Variants in PTGFRN observed in about 807,000 individuals in gnomAD.
PTGFRN encodes prostaglandin F2 receptor negative regulator.
PTGFRN carries 35 observed loss-of-function variants against 83.2 expected under a neutral mutation model. The observed-to-expected ratio is 0.42, with a 90% confidence interval of 0.32 to 0.56. The LOEUF (loss-of-function observed/expected upper bound fraction) is 0.56. Among genes scored for constraint, PTGFRN ranks in the 20% least tolerant of loss-of-function variants. The pLI, the probability that PTGFRN is intolerant of heterozygous loss-of-function variation, is 0.11. For missense variants in PTGFRN, 1,051 were observed against 1,179.5 expected (o/e 0.89, Z 1.60); for synonymous variants, 519 against 498.6 (o/e 1.04, Z -0.55).
At chr1:116,951,255 C>T (rs901775329) in intron 4 of PTGFRN, among the ~76,000 whole-genome samples, 7 of 152,180 alleles carry the variant, frequency 4.6e-5, no homozygotes, top group African/African-American at 7.2e-5. Context: ...GGAATGGGCT[C>T]CTTTAACTGG....
chr1:116,918,633 G>A lies in PTGFRN; in HGVS notation c.49+8381G>A, dbSNP rs982374994. On this transcript the variant is annotated intron_variant, in intron 1 of 8. Coordinates refer to ENST00000393203, the MANE Select transcript of PTGFRN (RefSeq NM_020440.4). This position sits in a 1 kb window ranked among gnomAD's most constrained non-coding sequence, Gnocchi z 4.1. ...CTCAGTGGGACTGAGGCAAAGCCAT[G>A]GTCAGAGTCTGAGCTGGAGGAGAGT... 1.3e-5 allele frequency among the ~76,000 whole-genome samples: 2 copies of A among 152,220 alleles called. No homozygotes were observed. Among genetic ancestry groups the A allele is most frequent in the African/African-American group, 4.8e-5 (2 of 41,448 alleles).
chr1:116,910,850 A>T (rs1649253348), intron 1 of PTGFRN, among the ~76,000 whole-genome samples: 1 of 152,158 alleles, frequency 6.6e-6, no homozygotes, highest in Admixed American at 6.5e-5. Context: ...CTTCTGCCTC[A>T]GTCTTTTCTT....
chr1:116,945,357 C>G (rs1218259722), intron 3 of PTGFRN, among the ~76,000 whole-genome samples: 9 of 152,202 alleles, frequency 5.9e-5, no homozygotes, highest in Admixed American at 5.9e-4. Context: ...CCACAGCCTG[C>G]ACATAACACG....
intron 8 of PTGFRN, 99 bp from the exon 9 acceptor site, chr1:116,986,702 C>G (rs754966636): frequency 1.7e-6 from 2 of 1,209,798 alleles, no homozygotes; most frequent in Non-Finnish European, 2.4e-6. Context: ...CCTTATCTCT[C>G]GGGAGATCCT....
chr1:116,975,538 C>T (rs922973817), intron 7 of PTGFRN, among the ~76,000 whole-genome samples: 2 of 152,178 alleles, frequency 1.3e-5, no homozygotes, highest in African/African-American at 2.4e-5. Context: ...TCCAGAGGAA[C>T]GATCAGCAGA....
At chr1:116,979,163 G>A (rs956213322) in intron 7 of PTGFRN, among the ~76,000 whole-genome samples, 9 of 152,062 alleles carry the variant, frequency 5.9e-5, no homozygotes, top group African/African-American at 2.2e-4. Flanking sequence ...CAACTTACAA[G>A]GGATGTGAAG....
chr1:116,966,261 G>C (rs1013183553), intron 5 of PTGFRN, among the ~76,000 whole-genome samples: 2 of 152,234 alleles, frequency 1.3e-5, no homozygotes, highest in African/African-American at 4.8e-5. Context: ...CGTAGCCATA[G>C]ACACCTCTCA....
intron 4 of PTGFRN, among the ~76,000 whole-genome samples, chr1:116,955,320 C>T (rs1194629607): frequency 6.6e-6 from 1 of 152,194 alleles, no homozygotes; most frequent in Non-Finnish European, 1.5e-5. Flanking sequence ...AGAGGGCTTA[C>T]AGTGTGTGTT....
intron 1 of PTGFRN, among the ~76,000 whole-genome samples, chr1:116,913,543 T>G (rs1334388750): frequency 6.6e-6 from 1 of 152,110 alleles, no homozygotes; most frequent in Non-Finnish European, 1.5e-5. Flanking sequence ...GATTTGTTGG[T>G]GCTCTGGGTG....
chr1:116,934,782 A>G (rs940596379), intron 1 of PTGFRN, among the ~76,000 whole-genome samples: 1 of 152,210 alleles, frequency 6.6e-6, no homozygotes, highest in Non-Finnish European at 1.5e-5. Flanking sequence ...GTATGATGTC[A>G]TCTTCTATCT....
At chr1:116,924,861 G>A (rs1343046892) in intron 1 of PTGFRN, among the ~76,000 whole-genome samples, 1 of 152,172 alleles carries the variant, frequency 6.6e-6, no homozygotes, top group Non-Finnish European at 1.5e-5. Flanking sequence ...CAGCAGGCAT[G>A]CTGCTGGGCT....
At chr1:116,945,708 T>C (rs1017973655) in intron 3 of PTGFRN, among the ~76,000 whole-genome samples, 1 of 151,058 alleles carries the variant, frequency 6.6e-6, no homozygotes, top group Admixed American at 6.6e-5. Context: ...CTGGGGTCTG[T>C]ACAAGAAGCC....
rs1651641023 is a variant in PTGFRN at position 116,989,480 on chromosome 1, T to C, written c.*2513T>C. On this transcript the variant is annotated 3_prime_UTR_variant, in exon 9 of 9. Coordinates refer to ENST00000393203, the MANE Select transcript of PTGFRN (RefSeq NM_020440.4). ...ACCCCACCCCTGCGACAAGTGCTCT[T>C]CTAGAACAGGTTCCTACCAGCAGCA... The C allele has an allele frequency of 1.3e-5, 2 of 152,590 alleles. No individual in the cohort carries two copies. Among genetic ancestry groups the C allele is most frequent in the African/African-American group, 4.8e-5 (2 of 41,426 alleles). The allele number at this position is 152,590 out of a possible 1,614,324, so 9.5% of individuals were successfully genotyped here. A position where few individuals can be genotyped will look rare whatever the true frequency, so the allele number is the denominator to read the frequency against.
Position 116,984,848 on chromosome 1 carries a change from A to G in PTGFRN, c.2336A>G (p.Gln779Arg), listed in dbSNP as rs1651417327. 6.2e-7 allele frequency: 1 copy of G among 1,614,080 alleles called. No homozygotes were observed. The change falls in exon 8 of 9, where the codon CAA becomes CGA. Residue 779 changes from glutamine to arginine, a missense_variant. By Grantham distance (43) the Gln-to-Arg change is conservative. Around this residue, in one of 3 missense-constraint regions of PTGFRN, gnomAD observed 719 missense variants for 836.6 expected, o/e 0.86. Coordinates refer to ENST00000393203, the MANE Select transcript of PTGFRN (RefSeq NM_020440.4). ...GTGAGTGTGCTGGAATTCTTGCTGC[A>G]AGTGCATGGCTCCGAGGACCAGGAC... The part of the protein sequence containing the change: ...ERVSVLEFLL[Q>R]VHGSEDQDFG...
chr1:116,941,584 C>A lies in PTGFRN; in HGVS notation c.50-131C>A. On this transcript the variant is annotated intron_variant, in intron 1 of 8. Coordinates refer to ENST00000393203, the MANE Select transcript of PTGFRN (RefSeq NM_020440.4). This position sits in a 1 kb window ranked among gnomAD's most constrained non-coding sequence, Gnocchi z 5.0. ...TTAGGCTTAACCTTCTGCATAGATA[C>A]ATTTTCCCTAGTAGTTTGGCTGTCA... 2.4e-6 allele frequency: 3 copies of A among 1,258,898 alleles called. No individual in the cohort carries two copies. Among genetic ancestry groups the A allele is most frequent in the Non-Finnish European group, 3.3e-6 (3 of 915,208 alleles). The allele number at this position is 1,258,898 out of a possible 1,614,324, so 78.0% of individuals were successfully genotyped here. A position where few individuals can be genotyped will look rare whatever the true frequency, so the allele number is the denominator to read the frequency against.
chr1:116,922,814 G>A (rs1345833131), intron 1 of PTGFRN, among the ~76,000 whole-genome samples: 1 of 152,172 alleles, frequency 6.6e-6, no homozygotes, highest in Non-Finnish European at 1.5e-5. Context: ...CCCCTCTTGA[G>A]GTTTTCCCAA....
At chr1:116,959,207 C>G (rs1650578351) in intron 4 of PTGFRN, among the ~76,000 whole-genome samples, 1 of 152,148 alleles carries the variant, frequency 6.6e-6, no homozygotes, top group South Asian at 2.1e-4. Context: ...TGTATTAGCA[C>G]CATGCTCAGG....
chr1:116,973,061 G>A (rs554300097), intron 6 of PTGFRN, among the ~76,000 whole-genome samples: 1 of 152,002 alleles, frequency 6.6e-6, no homozygotes, highest in South Asian at 2.1e-4. Context: ...TGAGTAGCTG[G>A]GACTACAGGT....
intron 1 of PTGFRN, among the ~76,000 whole-genome samples, chr1:116,914,719 A>C (rs1649356893): frequency 6.6e-6 from 1 of 151,064 alleles, no homozygotes. Flanking sequence ...GCACCACTGC[A>C]CTCCAGCTTG....
Sources: allele counts gnomAD v4.1 joint callset (sites outside exome capture counted in the v4.1 genomes callset), GRCh38; gene constraint gnomAD v4.1.1; regional missense constraint gnomAD v4.1.1; non-coding constraint Gnocchi (gnomAD v3.1); transcripts MANE v1.5; gene names NCBI Gene and HGNC (gene_info 2026-07-23, HGNC 2026-07-21).